Variants in COL4A3 observed in about 807,000 individuals in gnomAD.
The protein encoded by COL4A3 is collagen type IV alpha 3 chain, also known as collagen alpha-3(IV) chain.
Under a neutral mutation model 217.4 loss-of-function variants are expected in COL4A3, and 135 were observed. The ratio of observed to expected loss-of-function variants is 0.62; its 90% confidence interval spans 0.54 to 0.72. The LOEUF (loss-of-function observed/expected upper bound fraction) is 0.72, where lower values mean the gene tolerates loss of function less well. Ranked by LOEUF, COL4A3 falls within the 30% of genes least tolerant of loss-of-function variation. The probability of loss-of-function intolerance (pLI) is 0.00; values close to 1 mark genes in which losing one functional copy is unlikely to be tolerated. For missense variants in COL4A3, 1,868 were observed against 2,119.9 expected (o/e 0.88, Z 2.33); for synonymous variants, 690 against 736.3 (o/e 0.94, Z 1.02).
At chr2:227,281,288 A>G (rs960086903) in intron 31 of COL4A3, among the ~76,000 whole-genome samples, 5 of 152,228 alleles carry the variant, frequency 3.3e-5, no homozygotes, top group African/African-American at 1.2e-4. Context: ...GTGTGTTTAC[A>G]TATATTTATA....
In COL4A3 at chr2:227,294,347, T is replaced by C. The variant is rs6436675; in HGVS notation, c.3338-143T>C. On this transcript the variant is annotated intron_variant, in intron 38 of 51. Coordinates refer to ENST00000396578, the MANE Select transcript of COL4A3 (RefSeq NM_000091.5). ...CAGGAAAATTGCAGCCTGGACAAAA[T>C]CATGGGGTGACCTTGCAACAAGAGA... 753,523 of 753,540 alleles carry C rather than the reference T, an allele frequency of 1. 376,753 individuals are homozygous for C. Among genetic ancestry groups the C allele is most frequent in the Middle Eastern group, 1 (3,870 of 3,870 alleles). The allele number at this position is 753,540 out of a possible 1,614,324, so 46.7% of individuals were successfully genotyped here.
intron 1 of COL4A3, among the ~76,000 whole-genome samples, chr2:227,217,556 T>C (rs2067572901): frequency 6.6e-6 from 1 of 152,186 alleles, no homozygotes. Flanking sequence ...AAAGCTGATA[T>C]TGAGCATAAC....
At chr2:227,178,019 G>A (rs2065742366) in intron 1 of COL4A3, among the ~76,000 whole-genome samples, 2 of 152,164 alleles carry the variant, frequency 1.3e-5, no homozygotes, top group Admixed American at 1.3e-4. Flanking sequence ...AAAATTGTAT[G>A]CTGAGATTGC....
chr2:227,240,176 C>T lies in COL4A3; in HGVS notation c.178C>T (p.Pro60Ser), dbSNP rs1481014951. 6.2e-6 allele frequency: 10 copies of T among 1,611,604 alleles called. No homozygotes were observed. The South Asian group carries it at 1.1e-4, about 18-fold the overall frequency. The change falls in exon 3 of 52, where the codon CCT (proline) becomes TCT (serine). Residue 60 changes from proline (P) to serine (S), a missense_variant. Physicochemically the swap from Pro to Ser is moderately conservative, Grantham distance 74. Transcript: ENST00000396578. ...GGGCTTTCCTGGACCCCCCGGTTCTCCTGGCCAGAAAGGATTCACAGGTCC... is the reference window on the plus strand; with the variant it reads ...GGGCTTTCCTGGACCCCCCGGTTCTTCTGGCCAGAAAGGATTCACAGGTCC... ...EKGFPGPPGS[P>S]GQKGFTGPEG... is the part of the protein sequence containing the mutation.
chr2:227,247,939 G>A (rs2069449274), intron 8 of COL4A3, among the ~76,000 whole-genome samples: 1 of 151,980 alleles, frequency 6.6e-6, no homozygotes, highest in Admixed American at 6.6e-5. Flanking sequence ...TCTTTCCACT[G>A]TAAATTTTTT....
chr2:227,256,765 G>A (rs1208412632), intron 17 of COL4A3, among the ~76,000 whole-genome samples: 4 of 152,188 alleles, frequency 2.6e-5, no homozygotes, highest in African/African-American at 7.2e-5. Flanking sequence ...ACATTGAAAG[G>A]TCATGATCAA....
intron 49 of COL4A3, 31 bp downstream of exon 49, chr2:227,309,107 G>C: frequency 6.2e-7 from 1 of 1,613,188 alleles, no homozygotes; most frequent in African/African-American, 1.3e-5. Context: ...TTTTACAATG[G>C]GACCAAGTGA....
At chr2:227,258,554 G>A (rs1357383444) in intron 18 of COL4A3, among the ~76,000 whole-genome samples, 1 of 152,218 alleles carries the variant, frequency 6.6e-6, no homozygotes, top group Non-Finnish European at 1.5e-5. Flanking sequence ...CCTTGGTCTG[G>A]TGAGGGCTTT....
rs2072061772 is a variant in COL4A3, at chr2:227,282,715, A to G, written c.2656+183A>G. ...GGGAAACGGTGGCGGCAGGATGAAC[A>G]ATTACCCAGAATGTGGCTATTTTTG... On this transcript the variant is annotated intron_variant, in intron 32 of 51. Transcript: ENST00000396578. This position sits in a 1 kb window ranked among gnomAD's most constrained non-coding sequence, Gnocchi z 4.4. Among the ~76,000 whole-genome samples the G allele has an allele frequency of 6.6e-6, 1 of 152,208 alleles. No homozygotes were observed. Among genetic ancestry groups the G allele is most frequent in the Admixed American group, 6.5e-5 (1 of 15,278 alleles).
chr2:227,178,832 AT>A (rs2065778370), intron 1 of COL4A3, among the ~76,000 whole-genome samples: 1 of 150,474 alleles, frequency 6.6e-6, no homozygotes, highest in South Asian at 2.1e-4. Context: ...GTCATTCTTG[AT>A]TTATAGGTGA....
At chr2:227,302,503 C>T (rs1043899042) in intron 43 of COL4A3, among the ~76,000 whole-genome samples, 1 of 151,838 alleles carries the variant, frequency 6.6e-6, no homozygotes, top group Non-Finnish European at 1.5e-5. Context: ...ATGGCGAAAC[C>T]CTGTCTCTAC....
Position 227,240,251 on chromosome 2 carries a change from T to C in COL4A3, c.234+19T>C, listed in dbSNP as rs1422225354. 4.4e-6 allele frequency: 7 copies of C among 1,596,658 alleles called. No homozygotes were observed. The East Asian group carries it at 6.8e-5, about 15-fold the overall frequency. ...ACCCAAGGTATGTCATCCTGCAAGCTTGGAAAATCCCCAACCCACCTAACC... is the reference window on the plus strand; with the variant it reads ...ACCCAAGGTATGTCATCCTGCAAGCCTGGAAAATCCCCAACCCACCTAACC... On this transcript the variant is annotated intron_variant, in intron 3 of 51. Coordinates refer to ENST00000396578, the MANE Select transcript of COL4A3 (RefSeq NM_000091.5).
chr2:227,175,270 G>A (rs989986275), intron 1 of COL4A3, among the ~76,000 whole-genome samples: 4 of 152,094 alleles, frequency 2.6e-5, no homozygotes, highest in Non-Finnish European at 2.9e-5. Context: ...TCAGGAGTTC[G>A]AAACTAGCCT....
Position 227,302,945 on chromosome 2 carries a change from A to G in COL4A3, c.3883-93A>G, listed in dbSNP as rs963186573. On this transcript the variant is annotated intron_variant, in intron 43 of 51. Transcript: ENST00000396578. Reference sequence around the variant, plus strand: ...CTTCAGCTTATTCTCACCCAACATAATATTATACCCTATTTGCATTTTTAA... The same window carrying G: ...CTTCAGCTTATTCTCACCCAACATAGTATTATACCCTATTTGCATTTTTAA... 1.0e-5 allele frequency: 8 copies of G among 793,214 alleles called. No homozygotes were observed. In the African/African-American group the frequency reaches 1.0e-4, roughly 10 times the overall value. The allele number at this position is 793,214 out of a possible 1,614,324, so 49.1% of individuals were successfully genotyped here. A position where few individuals can be genotyped will look rare whatever the true frequency, so the allele number is the denominator to read the frequency against.
At chr2:227,179,844 G>C (rs2065813268) in intron 1 of COL4A3, among the ~76,000 whole-genome samples, 1 of 152,102 alleles carries the variant, frequency 6.6e-6, no homozygotes, top group South Asian at 2.1e-4. Context: ...GTTATAACGA[G>C]GTAAATATGG....
At chr2:227,243,741 G>A (rs771898370) in intron 3 of COL4A3, among the ~76,000 whole-genome samples, 10 of 152,218 alleles carry the variant, frequency 6.6e-5, no homozygotes, top group Non-Finnish European at 1.0e-4. Flanking sequence ...GAAATAGGAC[G>A]TCGAAACTGA....
Position 227,191,041 on chromosome 2 carries a change from G to A in COL4A3, c.87+26228G>A, listed in dbSNP as rs1400247265. ...TATGTATAGAATTTTTTAAAAAATA[G>A]ATGCAAAGGTTATTATATATGAAAT... On this transcript the variant is annotated intron_variant, in intron 1 of 51. Transcript: ENST00000396578. The surrounding 1 kb of genome is among the most constrained non-coding windows in gnomAD (Gnocchi z 6.8). Among the ~76,000 whole-genome samples the A allele has an allele frequency of 2.6e-5, 4 of 152,044 alleles. No individual in the cohort carries two copies. The highest frequency in any genetic ancestry group is 9.7e-5 in the African/African-American group (4 of 41,372).
chr2:227,223,508 C>A (rs11902048), intron 1 of COL4A3, among the ~76,000 whole-genome samples: 1 of 151,560 alleles, frequency 6.6e-6, no homozygotes, highest in East Asian at 1.9e-4. Context: ...CTGAGGTGGG[C>A]GGATCACCTG....
chr2:227,286,693 A>T (rs1026374895), intron 34 of COL4A3, among the ~76,000 whole-genome samples: 20 of 152,316 alleles, frequency 1.3e-4, no homozygotes, highest in African/African-American at 4.6e-4. Context: ...AAATACAGCA[A>T]CTAAGATAGT....
Sources: allele counts gnomAD v4.1 joint callset (sites outside exome capture counted in the v4.1 genomes callset), GRCh38; gene constraint gnomAD v4.1.1; non-coding constraint Gnocchi (gnomAD v3.1); transcripts MANE v1.5; gene names NCBI Gene and HGNC (gene_info 2026-07-23, HGNC 2026-07-21).